CLXN: variants seen among roughly 807,000 people sequenced by gnomAD.
The protein encoded by CLXN is calaxin, also known as EF-hand calcium binding domain 1.
chr8:48,731,980 A>G, the CLXN span, among the ~76,000 whole-genome samples: 1 of 152,188 alleles, frequency 6.6e-6, no homozygotes, highest in Admixed American at 6.5e-5. Context: ...TTTGGAAACT[A>G]GAGTCACCAG....
the CLXN span, chr8:48,734,486 CAGGGGCCACTGGAAAGTGGG>C: frequency 2.6e-5 from 4 of 152,122 alleles, no homozygotes; most frequent in African/African-American, 7.2e-5. Flanking sequence ...CTTTCAACAC[CAGGGGCCACTGGAAAGTGGG>C]AGTCTAAAGT....
chr8:48,729,653 A>T, the CLXN span: 3 of 1,391,138 alleles, frequency 2.2e-6, no homozygotes, highest in Non-Finnish European at 2.9e-6. Context: ...AATAATTTGA[A>T]TTCTTATTTC....
chr8:48,720,374 T>A, the CLXN span, among the ~76,000 whole-genome samples: 1,435 of 152,262 alleles, frequency 9.4e-3, 22 homozygotes, highest in African/African-American at 0.033. Flanking sequence ...TAGCAAGGAA[T>A]ATTAATATCC....
At chr8:48,718,624 G>A in the CLXN span, among the ~76,000 whole-genome samples, 1 of 152,128 alleles carries the variant, frequency 6.6e-6, no homozygotes, top group East Asian at 1.9e-4. Context: ...AACAGTAACA[G>A]AATGAAACTA....
chr8:48,713,746 G>C, the CLXN span: 1 of 152,138 alleles, frequency 6.6e-6, no homozygotes, highest in East Asian at 1.9e-4. Context: ...GAATGTTTTG[G>C]ATGATTTTAT....
chr8:48,721,741 T>C, the CLXN span, among the ~76,000 whole-genome samples: 1 of 152,146 alleles, frequency 6.6e-6, no homozygotes, highest in Non-Finnish European at 1.5e-5. Flanking sequence ...GACAATTGGA[T>C]TTGCACATCA....
At chr8:48,727,339 A>G in the CLXN span, among the ~76,000 whole-genome samples, 1 of 152,210 alleles carries the variant, frequency 6.6e-6, no homozygotes, top group Admixed American at 6.5e-5. Context: ...TCCTGGCCTC[A>G]GTGAGCTGAC....
chr8:48,729,906 C>T, the CLXN span: 3 of 1,579,774 alleles, frequency 1.9e-6, no homozygotes, highest in African/African-American at 1.3e-5. Context: ...GAATTTGATG[C>T]TATCAGTAAG....
At chr8:48,716,126 G>T in the CLXN span, 1 of 152,384 alleles carries the variant, frequency 6.6e-6, no homozygotes, top group African/African-American at 2.4e-5. Flanking sequence ...TGCCCCGTGG[G>T]GAGGCAGCTG....
the CLXN span, chr8:48,729,689 T>C: frequency 6.4e-7 from 1 of 1,566,114 alleles, no homozygotes; most frequent in Non-Finnish European, 8.7e-7. Context: ...CCACAAATTT[T>C]AATAAAAAAC....
At chr8:48,725,375 T>C in the CLXN span, among the ~76,000 whole-genome samples, 2,038 of 152,260 alleles carry the variant, frequency 0.013, 52 homozygotes, top group African/African-American at 0.046. Context: ...AGAAGCTAGG[T>C]TTTAAGAAGG....
At chr8:48,716,463 A>G in the CLXN span, 1 of 152,528 alleles carries the variant, frequency 6.6e-6, no homozygotes, top group Non-Finnish European at 1.5e-5. Context: ...AGGGCTCCTC[A>G]AGCGCGGACA....
chr8:48,731,432 GACCTTGCCTCTCT>G, the CLXN span: 1 of 1,613,228 alleles, frequency 6.2e-7, no homozygotes, highest in South Asian at 1.1e-5. Flanking sequence ...CCAACAACCA[GACCTTGCCTCTCT>G]ACTCCTCCCA....
chr8:48,735,230 G>T, the CLXN span: 2 of 1,541,194 alleles, frequency 1.3e-6, no homozygotes, highest in Non-Finnish European at 1.8e-6. Flanking sequence ...ACCCCCGCGA[G>T]CCCTGGTGCT....
At chr8:48,722,306 G>A in the CLXN span, among the ~76,000 whole-genome samples, 1 of 152,188 alleles carries the variant, frequency 6.6e-6, no homozygotes, top group African/African-American at 2.4e-5. Flanking sequence ...ATGGAGAAAA[G>A]AGAATCCTGT....
chr8:48,732,722 A>T, the CLXN span, among the ~76,000 whole-genome samples: 3 of 152,196 alleles, frequency 2.0e-5, no homozygotes, highest in African/African-American at 7.2e-5. Flanking sequence ...GAGTCCATCA[A>T]TGGAGGAATG....
chr8:48,730,696 T>C, the CLXN span: 1 of 1,032,104 alleles, frequency 9.7e-7, no homozygotes, highest in Non-Finnish European at 1.5e-6. Flanking sequence ...TAACTCTCAG[T>C]AAAGTATCTA....
At chr8:48,732,977 A>G in the CLXN span, among the ~76,000 whole-genome samples, 2 of 152,188 alleles carry the variant, frequency 1.3e-5, no homozygotes, top group African/African-American at 2.4e-5. Flanking sequence ...TTTAATGGGT[A>G]GAGTTTCCAC....
the CLXN span, among the ~76,000 whole-genome samples, chr8:48,722,154 C>T: frequency 1.4e-4 from 22 of 152,236 alleles, no homozygotes; most frequent in African/African-American, 4.8e-4. Flanking sequence ...AACCTGACTA[C>T]GCATTTTTCA....
Sources: allele counts gnomAD v4.1 joint callset (sites outside exome capture counted in the v4.1 genomes callset), GRCh38; gene constraint gnomAD v4.1.1; transcripts MANE v1.5; gene names NCBI Gene and HGNC (gene_info 2026-07-23, HGNC 2026-07-21).